GTF2A1: variants seen among roughly 807,000 people sequenced by gnomAD.
The protein encoded by GTF2A1 is general transcription factor IIA subunit 1.
Under a neutral mutation model 54.1 loss-of-function variants are expected in GTF2A1, and 12 were observed. The observed-to-expected ratio is 0.22, with a 90% CI of 0.14 to 0.36. GTF2A1 has a LOEUF of 0.36. Ranked by LOEUF, GTF2A1 falls within the 10% of genes least tolerant of loss-of-function variation. GTF2A1 has a pLI of 1.00. For missense variants in GTF2A1, 335 were observed against 442.2 expected (o/e 0.76, Z 2.17); for synonymous variants, 145 against 152.0 (o/e 0.95, Z 0.34).
intron 4 of GTF2A1, among the ~76,000 whole-genome samples, chr14:81,199,369 C>T (rs932494443): frequency 2.0e-5 from 3 of 152,128 alleles, no homozygotes; most frequent in Non-Finnish European, 1.5e-5. Context: ...AGCCCAAACA[C>T]AAATAATGCA....
chr14:81,203,920 A>T lies in GTF2A1; in HGVS notation c.317T>A (p.Leu106His). Residue 106 changes from leucine (L) to histidine (H), a missense_variant, in exon 3 of 9, where the codon CTT becomes CAT. Around this residue, in one of 2 missense-constraint regions of GTF2A1, gnomAD observed 306 missense variants for 360.4 expected, o/e 0.85. Coordinates refer to ENST00000553612, the MANE Select transcript of GTF2A1 (RefSeq NM_015859.4). ...CTCACCTTGCTGTGATGCAGGAATA[A>T]GAACCTGCTGGGTCTGCGCTTGCTG... ...VPQQAQTQQVLIPASQQATAP... is the reference protein window; with the variant it reads ...VPQQAQTQQVHIPASQQATAP... The T allele has an allele frequency of 6.2e-7, 1 of 1,613,860 alleles. No individual in the cohort carries two copies. The highest frequency in any genetic ancestry group is 8.5e-7 in the Non-Finnish European group (1 of 1,179,724).
chr14:81,216,633 A>G, intron 1 of GTF2A1, 119 bp from the exon 2 acceptor site: 1 of 549,578 alleles, frequency 1.8e-6, no homozygotes, highest in Non-Finnish European at 3.2e-6. Context: ...TATGACTTTA[A>G]AGATACGACC....
chr14:81,181,041 A>T (rs1250434339), intron 8 of GTF2A1, among the ~76,000 whole-genome samples: 1 of 152,244 alleles, frequency 6.6e-6, no homozygotes, highest in Non-Finnish European at 1.5e-5. Context: ...TTAAAAATAC[A>T]TCTAAAGGAT....
intron 7 of GTF2A1, among the ~76,000 whole-genome samples, chr14:81,186,998 T>C (rs1484944368): frequency 6.6e-6 from 1 of 151,936 alleles, no homozygotes; most frequent in Non-Finnish European, 1.5e-5. Flanking sequence ...TATACCTACT[T>C]ACACAGGTGT....
In GTF2A1 at chr14:81,177,474, A is replaced by G. The variant is rs1289659228; in HGVS notation, c.*2749T>C. 1 of 152,162 alleles carries G rather than the reference A, an allele frequency of 6.6e-6. No homozygotes were observed. Among genetic ancestry groups the G allele is most frequent in the Non-Finnish European group, 1.5e-5 (1 of 67,980 alleles). The allele number at this position is 152,162 out of a possible 1,614,324, so 9.4% of individuals were successfully genotyped here. On this transcript the variant is annotated 3_prime_UTR_variant, in exon 9 of 9. Coordinates refer to ENST00000553612, the MANE Select transcript of GTF2A1 (RefSeq NM_015859.4). ...CCACCAAGCAAGAGTTTGTATACTGAAAGGCACACATTTCCATGTTTTATC... is the reference window on the plus strand; with the variant it reads ...CCACCAAGCAAGAGTTTGTATACTGGAAGGCACACATTTCCATGTTTTATC...
chr14:81,186,786 A>G (rs996748007), intron 7 of GTF2A1, among the ~76,000 whole-genome samples: 1 of 152,038 alleles, frequency 6.6e-6, no homozygotes, highest in Non-Finnish European at 1.5e-5. Context: ...CCACCTCTAC[A>G]AAAAATAAAA....
In GTF2A1 at chr14:81,189,077, G is replaced by C. The variant is rs534912687; in HGVS notation, c.933+3442C>G. 6.8e-4 allele frequency among the ~76,000 whole-genome samples: 104 copies of C among 152,214 alleles called. 2 individuals carry two copies. Among genetic ancestry groups the C allele is most frequent in the African/African-American group, 2.3e-3 (95 of 41,534 alleles). On this transcript the variant is annotated intron_variant, in intron 7 of 8. Transcript: ENST00000553612. ...AAGATTAAGTTTACAGATCCAAAAT[G>C]TTTGAAAAGTGAAAGAATGAAAAAA... is the stretch of plus-strand genomic sequence containing the variant.
intron 1 of GTF2A1, among the ~76,000 whole-genome samples, chr14:81,216,843 T>G (rs1893498923): frequency 6.6e-6 from 1 of 152,254 alleles, no homozygotes; most frequent in African/African-American, 2.4e-5. Context: ...GCTTCTACTA[T>G]TCCATGCTTG....
intron 1 of GTF2A1, among the ~76,000 whole-genome samples, chr14:81,217,805 A>G (rs1162191869): frequency 1.3e-5 from 2 of 152,170 alleles, no homozygotes; most frequent in Non-Finnish European, 2.9e-5. Context: ...AAACAAACAA[A>G]TACAAATGAG....
At chr14:81,197,334 G>T in intron 5 of GTF2A1, 75 bp downstream of exon 5, 2 of 728,578 alleles carry the variant, frequency 2.7e-6, no homozygotes, top group South Asian at 1.8e-5. Flanking sequence ...GTCTTTCAAA[G>T]AAGACAAAAC....
intron 1 of GTF2A1, among the ~76,000 whole-genome samples, chr14:81,219,886 T>C (rs976482145): frequency 6.6e-6 from 1 of 152,168 alleles, no homozygotes; most frequent in Non-Finnish European, 1.5e-5. Context: ...ATTTTACCCA[T>C]TCGGAAGGAA....
chr14:81,203,915 G>C lies in GTF2A1; in HGVS notation c.322C>G (p.Pro108Ala). The change falls in exon 3 of 9, where the codon CCT (proline) becomes GCT (alanine). Residue 108 changes from proline (P) to alanine (A), a missense_variant. This residue lies in a region of GTF2A1 where 306 missense variants were observed against 360.4 expected (regional missense o/e 0.85). Coordinates refer to ENST00000553612, the MANE Select transcript of GTF2A1 (RefSeq NM_015859.4). ...CCAGTCTCACCTTGCTGTGATGCAG[G>C]AATAAGAACCTGCTGGGTCTGCGCT... The part of the protein sequence containing the change: ...QQAQTQQVLI[P>A]ASQQATAPQV... The C allele has an allele frequency of 3.7e-6, 6 of 1,613,538 alleles. No homozygotes were observed. Among genetic ancestry groups the C allele is most frequent in the Non-Finnish European group, 5.1e-6 (6 of 1,179,492 alleles).
intron 7 of GTF2A1, among the ~76,000 whole-genome samples, chr14:81,190,554 C>T (rs1892854736): frequency 1.3e-5 from 2 of 151,892 alleles, no homozygotes; most frequent in Admixed American, 1.3e-4. Flanking sequence ...AGAAATTATA[C>T]AAATCATTGC....
chr14:81,192,928 A>G (rs1294919173), intron 6 of GTF2A1, 89 bp from the exon 7 acceptor site: 1 of 770,288 alleles, frequency 1.3e-6, no homozygotes, highest in African/African-American at 1.7e-5. Flanking sequence ...AAGATTCACC[A>G]GAATGGCCAT....
chr14:81,201,591 T>C lies in GTF2A1; in HGVS notation c.402+3A>G. The C allele has an allele frequency of 6.4e-7, 1 of 1,553,162 alleles. No individual in the cohort carries two copies. Among genetic ancestry groups the C allele is most frequent in the Non-Finnish European group, 8.9e-7 (1 of 1,124,562 alleles). On this transcript the variant is annotated splice_donor_region_variant and intron_variant, in intron 4 of 8. Transcript: ENST00000553612. ...AATCAAACTGCTACATTCTGAGTCT[T>C]ACCATGTTTGATGCATTCATATGCT... is the stretch of plus-strand genomic sequence containing the variant.
intron 6 of GTF2A1, among the ~76,000 whole-genome samples, chr14:81,195,688 A>G (rs1375908418): frequency 6.6e-6 from 1 of 151,816 alleles, no homozygotes; most frequent in African/African-American, 2.4e-5. Context: ...AGGGCTTGAT[A>G]CCTTGGGTAT....
At chr14:81,192,428 GA>G in intron 7 of GTF2A1, 90 bp downstream of exon 7, 4 of 987,840 alleles carry the variant, frequency 4.0e-6, no homozygotes, top group Middle Eastern at 4.4e-4. Flanking sequence ...AACAGTCTCT[GA>G]AAAAAACAGG....
At chr14:81,194,010 T>A (rs1016207011) in intron 6 of GTF2A1, among the ~76,000 whole-genome samples, 1 of 152,196 alleles carries the variant, frequency 6.6e-6, no homozygotes, top group Non-Finnish European at 1.5e-5. Flanking sequence ...AAATTCAACT[T>A]AGGGGACAAA....
chr14:81,210,603 G>T (rs1893342926), intron 2 of GTF2A1, among the ~76,000 whole-genome samples: 1 of 152,108 alleles, frequency 6.6e-6, no homozygotes, highest in Non-Finnish European at 1.5e-5. Flanking sequence ...TGTCCGGGCT[G>T]GAGTGCAATG....
Sources: gnomAD v4.1 joint callset for allele counts (sites outside exome capture counted in the v4.1 genomes callset) on GRCh38, gnomAD v4.1.1 for gene constraint, gnomAD v4.1.1 regional missense constraint, MANE v1.5 for transcripts, NCBI Gene and HGNC (gene_info 2026-07-23, HGNC 2026-07-21) for gene names.